Variants in MARK2 observed in about 807,000 individuals in gnomAD.
The protein encoded by MARK2 is microtubule affinity regulating kinase 2.
MARK2 carries 16 observed loss-of-function variants against 89.8 expected under a neutral mutation model. That is an observed-to-expected ratio of 0.18 (90% confidence interval 0.12 to 0.27). The LOEUF (loss-of-function observed/expected upper bound fraction) is 0.27, where lower values mean the gene tolerates loss of function less well. MARK2 is among the 10% of genes least tolerant of loss of function. MARK2 has a pLI of 1.00. For missense variants in MARK2, 621 were observed against 1,049.9 expected (o/e 0.59, Z 5.65); for synonymous variants, 382 against 399.5 (o/e 0.96, Z 0.52).
intron 1 of MARK2, among the ~76,000 whole-genome samples, chr11:63,894,254 G>A (rs1456676471): frequency 2.6e-5 from 4 of 152,210 alleles, no homozygotes; most frequent in African/African-American, 7.2e-5. Flanking sequence ...GGGGGAGATG[G>A]CAAATAAATG....
intron 1 of MARK2, among the ~76,000 whole-genome samples, chr11:63,860,726 C>T (rs560839835): frequency 2.8e-4 from 43 of 151,828 alleles, no homozygotes; most frequent in African/African-American, 1.0e-3. Context: ...GGTATGGTGG[C>T]GCGTGCCTAT....
intron 1 of MARK2, among the ~76,000 whole-genome samples, chr11:63,881,399 AAG>A (rs1334994097): frequency 2.6e-5 from 4 of 152,294 alleles, no homozygotes; most frequent in Admixed American, 2.0e-4. Flanking sequence ...AATGCCTCGA[AAG>A]AGGGGAAATG....
chr11:63,872,067 G>A (rs767868180), intron 1 of MARK2, among the ~76,000 whole-genome samples: 3 of 152,252 alleles, frequency 2.0e-5, no homozygotes, highest in Non-Finnish European at 4.4e-5. Flanking sequence ...GGTTCTGCAG[G>A]CTTTTGAGAG....
chr11:63,873,181 G>A (rs1667741439), intron 1 of MARK2, among the ~76,000 whole-genome samples: 1 of 152,130 alleles, frequency 6.6e-6, no homozygotes. Context: ...CTTGGGAAAT[G>A]GAAAGCACTT....
At chr11:63,883,623 A>T (rs1382975853) in intron 1 of MARK2, among the ~76,000 whole-genome samples, 1 of 151,924 alleles carries the variant, frequency 6.6e-6, no homozygotes, top group Admixed American at 6.6e-5. Flanking sequence ...TCTGTCACCC[A>T]GGCTGGAGTG....
In MARK2 at chr11:63,903,699, TAGG is replaced by T. The variant is rs1183627814; in HGVS notation, c.1515-283_1515-281del. Among the ~76,000 whole-genome samples the T allele has an allele frequency of 3.3e-5, 5 of 152,310 alleles. No homozygotes were observed. In the East Asian group the frequency reaches 7.7e-4, roughly 24 times the overall value. On this transcript the variant is annotated intron_variant, in intron 14 of 18. Coordinates refer to ENST00000402010, the MANE Select transcript of MARK2 (RefSeq NM_001039469.3). This position sits in a 1 kb window ranked among gnomAD's most constrained non-coding sequence, Gnocchi z 5.1. ...GAAACTCTCCTGTTCTTAAAATTCT[TAGG>T]AGGCCAGTGCAGCCTGGAGGCAGCG... is the stretch of plus-strand genomic sequence containing the variant.
intron 1 of MARK2, among the ~76,000 whole-genome samples, chr11:63,843,086 A>G (rs1351297401): frequency 6.6e-6 from 1 of 151,884 alleles, no homozygotes; most frequent in Non-Finnish European, 1.5e-5. Flanking sequence ...TTTCACAGCC[A>G]TAGACTTCCT....
At position 63,909,251 on chromosome 11, in the gene MARK2, G is replaced by A. The variant is rs751502016; in HGVS notation, c.*14G>A. 4.5e-6 allele frequency: 7 copies of A among 1,559,748 alleles called. No homozygotes were observed. The African/African-American group carries it at 9.5e-5, about 21-fold the overall frequency. On this transcript the variant is annotated 3_prime_UTR_variant, in exon 19 of 19. Coordinates refer to ENST00000402010, the MANE Select transcript of MARK2 (RefSeq NM_001039469.3). ...CTGAAGCTTTAACAGGCTGCCAGGA[G>A]CGGGGGCGGCGGGGGCGGGCCAGCT...
At chr11:63,848,851 G>A (rs2016416814) in intron 1 of MARK2, among the ~76,000 whole-genome samples, 1 of 151,806 alleles carries the variant, frequency 6.6e-6, no homozygotes, top group South Asian at 2.1e-4. Context: ...GTGAGCCACC[G>A]TGCCCGGCTG....
intron 1 of MARK2, among the ~76,000 whole-genome samples, chr11:63,879,720 C>T (rs1361977677): frequency 3.3e-5 from 5 of 152,112 alleles, no homozygotes; most frequent in Non-Finnish European, 1.5e-5. Flanking sequence ...CCTGGCCCAA[C>T]AGGGAGACAG....
intron 1 of MARK2, among the ~76,000 whole-genome samples, chr11:63,841,866 A>G (rs1231500671): frequency 1.3e-5 from 2 of 152,164 alleles, no homozygotes; most frequent in African/African-American, 4.8e-5. Context: ...TTTCTTCCTT[A>G]CATGCCTAGC....
At chr11:63,898,347 T>C in intron 4 of MARK2, 67 bp downstream of exon 4, 1 of 1,479,982 alleles carries the variant, frequency 6.8e-7, no homozygotes, top group South Asian at 1.1e-5. Flanking sequence ...GCATGTCATC[T>C]TCTCCCCGAG....
At position 63,904,077 on chromosome 11, in the gene MARK2, G is replaced by T; in HGVS notation, c.1606G>T (p.Ala536Ser). 6.2e-7 allele frequency: 1 copy of T among 1,606,206 alleles called. No individual in the cohort carries two copies. ...RPRQHQKSMS[A>S]SVHPNKASGL... ...CCGCCAGCACCAGAAATCCATGTCGGCCTCCGTGCACCCCAACAAGGCCTC... is the reference window on the plus strand; with the variant it reads ...CCGCCAGCACCAGAAATCCATGTCGTCCTCCGTGCACCCCAACAAGGCCTC... The change falls in exon 15 of 19, where the codon GCC becomes TCC. Residue 536 changes from alanine (A) to serine (S), a missense_variant. This residue lies in a region of MARK2 where 397 missense variants were observed against 567.8 expected (regional missense o/e 0.70). Transcript: ENST00000402010. This position sits in a 1 kb window ranked among gnomAD's most constrained non-coding sequence, Gnocchi z 6.3.
chr11:63,905,980 C>T (rs1941292928), intron 16 of MARK2, 108 bp from the exon 17 acceptor site: 2 of 927,144 alleles, frequency 2.2e-6, no homozygotes, highest in South Asian at 8.0e-5. Context: ...ATGGGATGAC[C>T]CTTGAACCTG....
rs1491125212 is a variant in MARK2, at chr11:63,856,336, TTA to T, written c.54+16777_54+16778del. 4.3e-3 allele frequency among the ~76,000 whole-genome samples: 240 copies of T among 56,042 alleles called. 10 individuals carry two copies. The highest frequency in any genetic ancestry group is 7.7e-3 in the East Asian group (4 of 520). 36.8% of individuals were successfully genotyped at this position (56,042 alleles called of 152,430 possible). On this transcript the variant is annotated intron_variant, in intron 1 of 18. Coordinates refer to ENST00000402010, the MANE Select transcript of MARK2 (RefSeq NM_001039469.3). ...TTTTTTTTTTGTTTTTTTTTTTTTT[TTA>T]AATATATGGCTTGTTTATTCTTTTT...
rs555571529 is a variant in MARK2, at chr11:63,898,185, A to T, written c.289-47A>T. The T allele has an allele frequency of 5.4e-5, 84 of 1,556,228 alleles. 1 individual carries two copies. In the South Asian group the frequency reaches 8.2e-4, roughly 15 times the overall value. ...GGCAGGGACTGTTTGGAGAGACCTG[A>T]TGGGAGCAAGTTGGGCAGGCATGAC... is the stretch of plus-strand genomic sequence containing the variant. On this transcript the variant is annotated intron_variant, in intron 3 of 18. Coordinates refer to ENST00000402010, the MANE Select transcript of MARK2 (RefSeq NM_001039469.3).
chr11:63,903,442 C>G lies in MARK2; in HGVS notation c.1514+284C>G. 1 of 462,580 alleles carries G rather than the reference C, an allele frequency of 2.2e-6. No individual in the cohort carries two copies. The highest frequency in any genetic ancestry group is 4.0e-6 in the Non-Finnish European group (1 of 249,834). The allele number at this position is 462,580 out of a possible 1,614,324, so 28.7% of individuals were successfully genotyped here. A position where few individuals can be genotyped will look rare whatever the true frequency, so the allele number is the denominator to read the frequency against. On this transcript the variant is annotated intron_variant, in intron 14 of 18. Transcript: ENST00000402010. The surrounding 1 kb of genome is among the most constrained non-coding windows in gnomAD (Gnocchi z 5.1). ...ACCACGGCCAGGGCATGGCAGCTGC[C>G]CTCCTCTAGACATGAGCAGCTAAGG...
At chr11:63,860,727 G>A (rs1330907863) in intron 1 of MARK2, among the ~76,000 whole-genome samples, 1 of 151,748 alleles carries the variant, frequency 6.6e-6, no homozygotes, top group Non-Finnish European at 1.5e-5. Context: ...GTATGGTGGC[G>A]CGTGCCTATA....
Position 63,906,287 on chromosome 11 carries a change from G to A in MARK2, c.1961+173G>A, listed in dbSNP as rs117739396. On this transcript the variant is annotated intron_variant, in intron 17 of 18. Coordinates refer to ENST00000402010, the MANE Select transcript of MARK2 (RefSeq NM_001039469.3). ...AAGGGATGAAGACTGCCTCTGATTGGGCATCAGCACAAGGCCTGCCCTCCG... is the reference window on the plus strand; with the variant it reads ...AAGGGATGAAGACTGCCTCTGATTGAGCATCAGCACAAGGCCTGCCCTCCG... Among the ~76,000 whole-genome samples, 82 of 152,170 alleles carry A rather than the reference G, an allele frequency of 5.4e-4. 1 individual carries two copies. Among genetic ancestry groups the A allele is most frequent in the Non-Finnish European group, 4.7e-4 (32 of 68,006 alleles).
Sources: allele counts gnomAD v4.1 joint callset (sites outside exome capture counted in the v4.1 genomes callset), GRCh38; gene constraint gnomAD v4.1.1; regional missense constraint gnomAD v4.1.1; non-coding constraint Gnocchi (gnomAD v3.1); transcripts MANE v1.5; gene names NCBI Gene and HGNC (gene_info 2026-07-23, HGNC 2026-07-21).